CCDC127: variants seen among roughly 807,000 people sequenced by gnomAD.
CCDC127 encodes the protein coiled-coil domain containing 127, also known as coiled-coil domain-containing protein 127.
Under a neutral mutation model 4.1 loss-of-function variants are expected in CCDC127, and 2 were observed. The ratio of observed to expected loss-of-function variants is 0.49; its 90% CI spans 0.20 to 1.53. The LOEUF (loss-of-function observed/expected upper bound fraction) is 1.53. CCDC127 is among the 40% of genes most tolerant of loss of function. The probability of loss-of-function intolerance (pLI) is 0.23; values close to 1 mark genes in which losing one functional copy is unlikely to be tolerated. For synonymous variants in CCDC127, 98 were observed against 120.4 expected (o/e 0.81, Z 1.22); for missense variants, 271 against 322.9 (o/e 0.84, Z 1.23).
chr5:211,178 G>T (rs1348604529), intron 2 of CCDC127, among the ~76,000 whole-genome samples: 5 of 104,018 alleles, frequency 4.8e-5, no homozygotes, highest in African/African-American at 1.4e-4. Context: ...TGGGGCAGAC[G>T]GGACAGCAGT....
rs970580251 is a variant in CCDC127, at chr5:205,159, C to T, written c.*138G>A. ...CGGTGCACTTCTGCTCAGACGGTGG[C>T]GGGAGTGGAGGTCGCTGCTGAAGGG... On this transcript the variant is annotated 3_prime_UTR_variant, in exon 3 of 3. Transcript: ENST00000296824. 8 of 729,842 alleles carry T rather than the reference C, an allele frequency of 1.1e-5. No individual in the cohort carries two copies. Among genetic ancestry groups the T allele is most frequent in the African/African-American group, 8.8e-5 (5 of 56,702 alleles). 45.2% of individuals were successfully genotyped at this position (729,842 alleles called of 1,614,324 possible). A position where few individuals can be genotyped will look rare whatever the true frequency, so the allele number is the denominator to read the frequency against.
chr5:210,043 A>C (rs1734248697), intron 2 of CCDC127, among the ~76,000 whole-genome samples: 1 of 152,258 alleles, frequency 6.6e-6, no homozygotes, highest in Non-Finnish European at 1.5e-5. Flanking sequence ...GGGACCGTCC[A>C]ACAGAGTCCC....
intron 2 of CCDC127, among the ~76,000 whole-genome samples, chr5:210,072 C>T (rs907404057): frequency 6.6e-6 from 1 of 152,092 alleles, no homozygotes; most frequent in Middle Eastern, 3.2e-3. Context: ...CAGCTAGTGC[C>T]GGAAGGCAAG....
intron 2 of CCDC127, chr5:214,121 C>T (rs1022673876): frequency 5.3e-5 from 8 of 152,216 alleles, no homozygotes; most frequent in Non-Finnish European, 1.2e-4. Flanking sequence ...ATTTACATAA[C>T]ATTCTTGAAA....
rs377693833 is a variant in CCDC127, at chr5:203,111, G to A, written c.*2186C>T. Reference sequence around the variant, plus strand: ...AAATTAGCTGGGTGTGGTAGCGCACGCCTGTAATCCCAGCTACCCAGGAGG... The same window carrying A: ...AAATTAGCTGGGTGTGGTAGCGCACACCTGTAATCCCAGCTACCCAGGAGG... On this transcript the variant is annotated 3_prime_UTR_variant, in exon 3 of 3. Coordinates refer to ENST00000296824, the MANE Select transcript of CCDC127 (RefSeq NM_145265.3). 8.7e-4 allele frequency: 132 copies of A among 152,254 alleles called. 2 individuals carry two copies. In the South Asian group the frequency reaches 0.026, roughly 30 times the overall value. 9.4% of individuals were successfully genotyped at this position (152,254 alleles called of 1,614,324 possible).
At position 197,034 on chromosome 5, in the gene CCDC127, C is replaced by T. The variant is rs1560971249; in HGVS notation, c.*8263G>A. 2 of 150,934 alleles carry T rather than the reference C, an allele frequency of 1.3e-5. No homozygotes were observed. Among genetic ancestry groups the T allele is most frequent in the East Asian group, 2.0e-4 (1 of 5,108 alleles). 9.3% of individuals were successfully genotyped at this position (150,934 alleles called of 1,614,324 possible). ...ATAATAAGGAGGAGGTCAGCAAAAA[C>T]GTGTGAGCAAAAGAATCTATGTCGT... On this transcript the variant is annotated 3_prime_UTR_variant, in exon 3 of 3. Coordinates refer to ENST00000296824, the MANE Select transcript of CCDC127 (RefSeq NM_145265.3).
chr5:217,646 GA>G (rs1337051321), intron 1 of CCDC127, among the ~76,000 whole-genome samples: 2 of 151,944 alleles, frequency 1.3e-5, no homozygotes, highest in African/African-American at 4.8e-5. Flanking sequence ...GTGATGTGGG[GA>G]AGGTGCAAAC....
intron 2 of CCDC127, chr5:216,411 G>T (rs1165682921): frequency 4.6e-6 from 1 of 215,938 alleles, no homozygotes; most frequent in Admixed American, 5.2e-5. Context: ...CCTCCTCCCC[G>T]ACTTGAGAGC....
chr5:200,565 C>A lies in CCDC127; in HGVS notation c.*4732G>T. The stretch of plus-strand genomic sequence containing the variant: ...AAGTACTCCGAGGCCCCTGAGAGTC[C>A]CTTATTTGTCTTTCTGGTTCTTCTC... On this transcript the variant is annotated 3_prime_UTR_variant, in exon 3 of 3. Transcript: ENST00000296824. 6.6e-6 allele frequency: 1 copy of A among 152,328 alleles called. No individual in the cohort carries two copies. The allele number at this position is 152,328 out of a possible 1,614,324, so 9.4% of individuals were successfully genotyped here.
intron 2 of CCDC127, among the ~76,000 whole-genome samples, chr5:208,780 C>G (rs1296709725): frequency 6.6e-6 from 1 of 152,236 alleles, no homozygotes; most frequent in Non-Finnish European, 1.5e-5. Context: ...TCAAGAAAGC[C>G]AGCTAAGACC....
rs756425487 is a variant in CCDC127 at position 205,818 on chromosome 5, AC to A, written c.261del (p.Gln87HisfsTer28). 1 of 1,614,152 alleles carries A rather than the reference AC, an allele frequency of 6.2e-7. No homozygotes were observed. The highest frequency in any genetic ancestry group is 1.1e-5 in the South Asian group (1 of 91,078). ...TGTTCCTTTTCGAGTTCCAAGGACA[AC>A]TGAGCGACAGCACGCCGATTTTCTG... ...MISENRRAVA[Q>X]LSLELEKEQN... On this transcript the variant is annotated frameshift_variant, in exon 3 of 3. Transcript: ENST00000296824. LOFTEE classifies it low-confidence loss of function (END_TRUNC).
In CCDC127 at chr5:197,827, T is replaced by G. The variant is rs1171882201; in HGVS notation, c.*7470A>C. 4 of 100,786 alleles carry G rather than the reference T, an allele frequency of 4.0e-5. No homozygotes were observed. The highest frequency in any genetic ancestry group is 1.3e-4 in the African/African-American group (4 of 30,200). The allele number at this position is 100,786 out of a possible 1,614,324, so 6.2% of individuals were successfully genotyped here. On this transcript the variant is annotated 3_prime_UTR_variant, in exon 3 of 3. Coordinates refer to ENST00000296824, the MANE Select transcript of CCDC127 (RefSeq NM_145265.3). ...CTCCCGGAGTGTGTCCCCACCCCAG[T>G]GGTCCCTGTGTCACCCCCTCCCCGA...
rs538620613 is a variant in CCDC127 at position 200,132 on chromosome 5, G to A, written c.*5165C>T. ...GTACACTTGTCCTGTGAGCCGCAGAGCCACATTCAGGCTCATCTGGTCCCG... is the reference window on the plus strand; with the variant it reads ...GTACACTTGTCCTGTGAGCCGCAGAACCACATTCAGGCTCATCTGGTCCCG... On this transcript the variant is annotated 3_prime_UTR_variant, in exon 3 of 3. Coordinates refer to ENST00000296824, the MANE Select transcript of CCDC127 (RefSeq NM_145265.3). The A allele has an allele frequency of 6.6e-6, 1 of 152,372 alleles. No homozygotes were observed. The highest frequency in any genetic ancestry group is 1.5e-5 in the Non-Finnish European group (1 of 68,062). 9.4% of individuals were successfully genotyped at this position (152,372 alleles called of 1,614,324 possible). A position where few individuals can be genotyped will look rare whatever the true frequency, so the allele number is the denominator to read the frequency against.
In CCDC127 at chr5:198,880, A is replaced by G. The variant is rs10054322; in HGVS notation, c.*6417T>C. 149,763 of 152,416 alleles carry G rather than the reference A, an allele frequency of 0.98. 73,869 individuals carry two copies. The highest frequency in any genetic ancestry group is 1 in the Middle Eastern group (294 of 294). 9.4% of individuals were successfully genotyped at this position (152,416 alleles called of 1,614,324 possible). ...CAGAAAACACGGCCTCCCACACAAG[A>G]CAAGCTAGTGGGAATCAGGCAAAAC... On this transcript the variant is annotated 3_prime_UTR_variant, in exon 3 of 3. Coordinates refer to ENST00000296824, the MANE Select transcript of CCDC127 (RefSeq NM_145265.3).
Position 201,570 on chromosome 5 carries a change from G to C in CCDC127, c.*3727C>G, listed in dbSNP as rs1023300958. 2 of 152,088 alleles carry C rather than the reference G, an allele frequency of 1.3e-5. No individual in the cohort carries two copies. The highest frequency in any genetic ancestry group is 2.4e-5 in the African/African-American group (1 of 41,410). 9.4% of individuals were successfully genotyped at this position (152,088 alleles called of 1,614,324 possible). A position where few individuals can be genotyped will look rare whatever the true frequency, so the allele number is the denominator to read the frequency against. ...ATATGCACGCATATGAAATATATAT[G>C]CAAATTATATATCCTTATGGATGAA... is the stretch of plus-strand genomic sequence containing the variant. On this transcript the variant is annotated 3_prime_UTR_variant, in exon 3 of 3. Coordinates refer to ENST00000296824, the MANE Select transcript of CCDC127 (RefSeq NM_145265.3).
chr5:206,383 CATAAAA>C (rs1259745902), intron 2 of CCDC127, among the ~76,000 whole-genome samples: 1 of 152,222 alleles, frequency 6.6e-6, no homozygotes, highest in African/African-American at 2.4e-5. Context: ...GATAAGGACA[CATAAAA>C]ATAAAGTGGG....
chr5:214,937 A>C (rs1397765298), intron 2 of CCDC127: 11 of 152,078 alleles, frequency 7.2e-5, no homozygotes, highest in Non-Finnish European at 1.6e-4. Context: ...CTGAGGCAGG[A>C]GAATCACTAG....
In CCDC127 at chr5:201,286, T is replaced by C. The variant is rs1734071146; in HGVS notation, c.*4011A>G. Reference sequence around the variant, plus strand: ...TTGCTTTTATGTAGCAAACCTAATATGTGAAAGTAACTAGAAAGCTGTTTT... The same window carrying C: ...TTGCTTTTATGTAGCAAACCTAATACGTGAAAGTAACTAGAAAGCTGTTTT... On this transcript the variant is annotated 3_prime_UTR_variant, in exon 3 of 3. Transcript: ENST00000296824. 6.6e-6 allele frequency: 1 copy of C among 152,386 alleles called. No homozygotes were observed. Among genetic ancestry groups the C allele is most frequent in the East Asian group, 1.9e-4 (1 of 5,194 alleles). The allele number at this position is 152,386 out of a possible 1,614,324, so 9.4% of individuals were successfully genotyped here.
At position 197,801 on chromosome 5, in the gene CCDC127, C is replaced by CAGTG. The variant is rs1733995770; in HGVS notation, c.*7495_*7496insCACT. On this transcript the variant is annotated 3_prime_UTR_variant, in exon 3 of 3. Transcript: ENST00000296824. The stretch of plus-strand genomic sequence containing the variant: ...CCTACACCGCTGCCCCGTATCACCC[C>CAGTG]CTCCCGGAGTGTGTCCCCACCCCAG... The CAGTG allele has an allele frequency of 6.7e-6, 1 of 150,266 alleles. No homozygotes were observed. Among genetic ancestry groups the CAGTG allele is most frequent in the Non-Finnish European group, 1.5e-5 (1 of 67,314 alleles). 9.3% of individuals were successfully genotyped at this position (150,266 alleles called of 1,614,324 possible).
Sources: allele counts gnomAD v4.1 joint callset (sites outside exome capture counted in the v4.1 genomes callset), GRCh38; gene constraint gnomAD v4.1.1; transcripts MANE v1.5; gene names NCBI Gene and HGNC (gene_info 2026-07-23, HGNC 2026-07-21).